Variants in NFATC3 observed in about 807,000 individuals in gnomAD.
The protein encoded by NFATC3 is nuclear factor of activated T-cells, cytoplasmic 3.
NFATC3 carries 46 observed loss-of-function variants against 98.6 expected under a neutral mutation model. The observed-to-expected ratio is 0.47, with a 90% CI of 0.37 to 0.60. NFATC3 has a LOEUF of 0.60. NFATC3 is among the 20% of genes least tolerant of loss of function. NFATC3 has a pLI of 0.00. For missense variants in NFATC3, 1,256 were observed against 1,295.5 expected (o/e 0.97, Z 0.47); for synonymous variants, 512 against 472.2 (o/e 1.08, Z -1.09).
intron 5 of NFATC3, among the ~76,000 whole-genome samples, chr16:68,171,126 G>A (rs2039439722): frequency 6.6e-6 from 1 of 152,052 alleles, no homozygotes; most frequent in South Asian, 2.1e-4. Context: ...CCCCGGCTCA[G>A]CCTCCCGAAT....
At chr16:68,104,047 A>G (rs540644560) in intron 1 of NFATC3, among the ~76,000 whole-genome samples, 33 of 152,222 alleles carry the variant, frequency 2.2e-4, no homozygotes, top group African/African-American at 7.2e-4. Context: ...TTCCGTATAA[A>G]TTTGAGGATT....
chr16:68,160,765 A>G (rs777984444), intron 4 of NFATC3, among the ~76,000 whole-genome samples: 1 of 151,750 alleles, frequency 6.6e-6, no homozygotes, highest in Non-Finnish European at 1.5e-5. Context: ...GCTCACTACA[A>G]CCTCTGCCTC....
intron 9 of NFATC3, chr16:68,214,281 C>T (rs747935883): frequency 6.3e-6 from 9 of 1,439,704 alleles, no homozygotes; most frequent in Non-Finnish European, 8.8e-6. Context: ...ATTAAGTTCA[C>T]CCTCTGGTTT....
chr16:68,137,226 C>T (rs1208706051), intron 3 of NFATC3, among the ~76,000 whole-genome samples: 1 of 152,034 alleles, frequency 6.6e-6, no homozygotes, highest in African/African-American at 2.4e-5. Context: ...TTCTTTATAT[C>T]CTTATTCCAT....
intron 9 of NFATC3, among the ~76,000 whole-genome samples, chr16:68,215,607 G>A (rs1261096983): frequency 6.6e-6 from 1 of 151,984 alleles, no homozygotes; most frequent in African/African-American, 2.4e-5. Flanking sequence ...AAACAGCAGT[G>A]TAGACAACTC....
At chr16:68,085,850 CTCCCTGT>C in intron 1 of NFATC3, 66 bp downstream of exon 1, 3 of 1,222,626 alleles carry the variant, frequency 2.5e-6, no homozygotes, top group Middle Eastern at 2.0e-4. Flanking sequence ...CTCTCGCTCC[CTCCCTGT>C]TCCCTTGGAT....
At chr16:68,130,700 C>T (rs568737909) in intron 3 of NFATC3, among the ~76,000 whole-genome samples, 326 of 152,216 alleles carry the variant, frequency 2.1e-3, no homozygotes, top group Non-Finnish European at 3.6e-3. Context: ...TGTAGAATTA[C>T]TCATAAAATC....
chr16:68,188,803 G>A (rs972394987), intron 8 of NFATC3, among the ~76,000 whole-genome samples: 10 of 152,082 alleles, frequency 6.6e-5, no homozygotes, highest in African/African-American at 2.2e-4. Context: ...CTGCCTCCCG[G>A]GTTCAAGTGA....
chr16:68,140,910 T>C (rs1397388498), intron 3 of NFATC3, among the ~76,000 whole-genome samples: 1 of 152,184 alleles, frequency 6.6e-6, no homozygotes, highest in Admixed American at 6.5e-5. Flanking sequence ...TAGTGTACAT[T>C]GTACCTAATA....
In NFATC3 at chr16:68,228,664, T is replaced by A. The variant is rs2042082050; in HGVS notation, c.*2193T>A. ...TGTTAAGAGTCAATATTTTTTGGCT[T>A]TGTAGATAAAGACTTAAATTTTTGT... On this transcript the variant is annotated 3_prime_UTR_variant, in exon 10 of 10. Transcript: ENST00000346183. 6.6e-6 allele frequency: 1 copy of A among 152,654 alleles called. No individual in the cohort carries two copies. Among genetic ancestry groups the A allele is most frequent in the Non-Finnish European group, 1.5e-5 (1 of 68,046 alleles). 9.5% of individuals were successfully genotyped at this position (152,654 alleles called of 1,614,324 possible).
chr16:68,193,226 CTG>C (rs1173680374), intron 9 of NFATC3, among the ~76,000 whole-genome samples: 3 of 151,974 alleles, frequency 2.0e-5, no homozygotes, highest in Admixed American at 6.6e-5. Context: ...AAATAGTACA[CTG>C]TTTTATATAA....
At chr16:68,195,459 CAG>C (rs2040624036) in intron 9 of NFATC3, among the ~76,000 whole-genome samples, 3 of 151,984 alleles carry the variant, frequency 2.0e-5, no homozygotes, top group African/African-American at 4.8e-5. Flanking sequence ...CACCTGGACT[CAG>C]GAGTTCGAGT....
chr16:68,209,850 G>C (rs553569502), intron 9 of NFATC3: 23 of 314,726 alleles, frequency 7.3e-5, no homozygotes, highest in Admixed American at 4.4e-4. Flanking sequence ...CACACACACA[G>C]ACACACACAC....
chr16:68,140,488 A>G (rs2037692070), intron 3 of NFATC3, among the ~76,000 whole-genome samples: 1 of 152,230 alleles, frequency 6.6e-6, no homozygotes, highest in Non-Finnish European at 1.5e-5. Flanking sequence ...TCAGTTATTC[A>G]GTTGCATTGA....
chr16:68,094,807 A>G (rs978776000), intron 1 of NFATC3, among the ~76,000 whole-genome samples: 2 of 152,202 alleles, frequency 1.3e-5, no homozygotes, highest in African/African-American at 2.4e-5. Flanking sequence ...AAATAGTTAC[A>G]TTTGGATTGA....
chr16:68,191,687 T>C lies in NFATC3; in HGVS notation c.3018T>C (p.Asp1006=). ...GTGATCCAGCGTCATTTCCACCTGATGGGGCAACTGTGAGCATTAAACCTG... is the reference window on the plus strand; with the variant it reads ...GTGATCCAGCGTCATTTCCACCTGACGGGGCAACTGTGAGCATTAAACCTG... The part of the protein sequence containing the change: ...SLCDPASFPP[D]GATVSIKPEP... The change falls in exon 9 of 10, where the codon GAT becomes GAC. Residue 1006 remains aspartate (D), a synonymous_variant. Coordinates refer to ENST00000346183, the MANE Select transcript of NFATC3 (RefSeq NM_173165.3). 1.9e-6 allele frequency: 3 copies of C among 1,614,112 alleles called. No homozygotes were observed. Among genetic ancestry groups the C allele is most frequent in the Non-Finnish European group, 2.5e-6 (3 of 1,180,028 alleles).
intron 3 of NFATC3, among the ~76,000 whole-genome samples, chr16:68,143,102 G>A: frequency 6.6e-6 from 1 of 151,694 alleles, no homozygotes; most frequent in East Asian, 1.9e-4. Context: ...AACCAGGCAT[G>A]GTGGTACCCA....
At chr16:68,164,262 T>C (rs1040688204) in intron 4 of NFATC3, among the ~76,000 whole-genome samples, 4 of 151,978 alleles carry the variant, frequency 2.6e-5, no homozygotes, top group African/African-American at 9.7e-5. Flanking sequence ...ACCAGTCAGG[T>C]GTGGCGGCGT....
chr16:68,195,907 G>A (rs2040650636), intron 9 of NFATC3, among the ~76,000 whole-genome samples: 1 of 152,134 alleles, frequency 6.6e-6, no homozygotes, highest in South Asian at 2.1e-4. Flanking sequence ...GGTCTGAAGT[G>A]CAGTAGTGCA....
Sources: gnomAD v4.1 joint callset for allele counts (sites outside exome capture counted in the v4.1 genomes callset) on GRCh38, gnomAD v4.1.1 for gene constraint, MANE v1.5 for transcripts, NCBI Gene and HGNC (gene_info 2026-07-23, HGNC 2026-07-21) for gene names.